SLC10A1: variants seen among roughly 807,000 people sequenced by gnomAD.
The protein encoded by SLC10A1 is hepatic sodium/bile acid cotransporter.
Under a neutral mutation model 20.5 loss-of-function variants are expected in SLC10A1, and 36 were observed. The ratio of observed to expected loss-of-function variants is 1.75; its 90% CI spans 1.34 to 2.32. The LOEUF (loss-of-function observed/expected upper bound fraction) is 2.32, where lower values mean the gene tolerates loss of function less well. SLC10A1 is among the 30% of genes most tolerant of loss of function. The pLI is 0.00. For synonymous variants in SLC10A1, 188 were observed against 163.6 expected, an observed-to-expected ratio of 1.15 and a Z score of -1.14; for missense variants, 545 against 439.1, an observed-to-expected ratio of 1.24 and a Z score of -2.16.
intron 2 of SLC10A1, among the ~76,000 whole-genome samples, chr14:69,783,234 A>G (rs546809675): frequency 5.5e-4 from 83 of 152,252 alleles, no homozygotes; most frequent in African/African-American, 1.9e-3. Flanking sequence ...GGCATTAGCT[A>G]TGGGGGCACT....
chr14:69,794,404 A>G (rs1250460715), intron 1 of SLC10A1, among the ~76,000 whole-genome samples: 2 of 152,166 alleles, frequency 1.3e-5, no homozygotes, highest in South Asian at 4.1e-4. Flanking sequence ...CAGTAAAAGC[A>G]CAGGTTCCGG....
At chr14:69,778,295 G>A in intron 4 of SLC10A1, 38 bp downstream of exon 4, 1 of 1,515,588 alleles carries the variant, frequency 6.6e-7, no homozygotes. Context: ...GTCTAATATT[G>A]GAGCAGAACT....
At chr14:69,783,037 T>G (rs540841420) in intron 2 of SLC10A1, among the ~76,000 whole-genome samples, 11 of 152,330 alleles carry the variant, frequency 7.2e-5, no homozygotes, top group African/African-American at 2.6e-4. Context: ...ATATTTTATA[T>G]GCATTTCTTT....
At chr14:69,777,836 TC>T (rs1466150309) in intron 4 of SLC10A1, among the ~76,000 whole-genome samples, 1 of 146,356 alleles carries the variant, frequency 6.8e-6, no homozygotes, top group African/African-American at 2.4e-5. Flanking sequence ...AGTTGAGGAA[TC>T]TTTTTTTTTT....
Position 69,778,395 on chromosome 14 carries a change from A to G in SLC10A1, c.881T>C (p.Leu294Pro). ...GGCAATGAGGAGAAGCCCTTCTCCA[A>G]GCTGGAAAATCATGTAGAGGAGGGG... ...FFPLLYMIFQ[L>P]GEGLLLIAIF... Residue 294 changes from leucine (L) to proline (P), a missense_variant, in exon 4 of 5, where the codon CTT (leucine) becomes CCT (proline). Leu to Pro is a moderately conservative substitution (Grantham distance 98). Coordinates refer to ENST00000216540, the MANE Select transcript of SLC10A1 (RefSeq NM_003049.4). 1 of 1,614,004 alleles carries G rather than the reference A, an allele frequency of 6.2e-7. No homozygotes were observed. Among genetic ancestry groups the G allele is most frequent in the African/African-American group, 1.3e-5 (1 of 75,032 alleles).
At chr14:69,776,521 T>G (rs1260630850) in intron 4 of SLC10A1, 133 bp from the exon 5 acceptor site, 1 of 673,148 alleles carries the variant, frequency 1.5e-6, no homozygotes, top group Non-Finnish European at 2.5e-6. Context: ...TCCATCTCTG[T>G]CGTCTCTCCC....
chr14:69,784,676 G>A (rs1020294214), intron 2 of SLC10A1, among the ~76,000 whole-genome samples: 2 of 152,130 alleles, frequency 1.3e-5, no homozygotes, highest in Admixed American at 1.3e-4. Context: ...ATGTGAGTTC[G>A]TATCAAAGCT....
rs542217999 is a variant in SLC10A1, at chr14:69,795,963, T to G, written c.356+837A>C. Among the ~76,000 whole-genome samples the G allele has an allele frequency of 2.5e-4, 38 of 152,304 alleles. No individual in the cohort carries two copies. The South Asian group carries it at 7.7e-3, about 31-fold the overall frequency. ...AAGCAAGAGCTTCTGCTAGTGAGTT[T>G]TCTTTAGCTTCAGCACAGGCTGCTG... On this transcript the variant is annotated intron_variant, in intron 1 of 4. Coordinates refer to ENST00000216540, the MANE Select transcript of SLC10A1 (RefSeq NM_003049.4).
intron 4 of SLC10A1, among the ~76,000 whole-genome samples, chr14:69,777,310 T>C (rs967143022): frequency 1.3e-5 from 2 of 152,232 alleles, no homozygotes; most frequent in African/African-American, 4.8e-5. Flanking sequence ...TGTTGGCTGC[T>C]TGGCAACCTA....
At chr14:69,776,944 C>A (rs761145139) in intron 4 of SLC10A1, among the ~76,000 whole-genome samples, 1 of 152,208 alleles carries the variant, frequency 6.6e-6, no homozygotes, top group South Asian at 2.1e-4. Context: ...ATTCCTCCCC[C>A]CTGAGAATAG....
Position 69,778,521 on chromosome 14 carries a change from C to CGTCT in SLC10A1, c.751_754dup (p.Arg252GlnfsTer27). 6.2e-7 allele frequency: 1 copy of CGTCT among 1,600,916 alleles called. No individual in the cohort carries two copies. On this transcript the variant is annotated frameshift_variant, in exon 4 of 5. Transcript: ENST00000216540. LOFTEE classifies it high-confidence loss of function. The stretch of plus-strand genomic sequence containing the variant: ...GCATCCAGTCTCCATGCTGACAGTG[C>CGTCT]GTCTGCACCTGTGCCGGTGAAGAAA...
At chr14:69,779,710 C>T (rs750957109) in intron 2 of SLC10A1, among the ~76,000 whole-genome samples, 32 of 152,246 alleles carry the variant, frequency 2.1e-4, no homozygotes, top group Non-Finnish European at 3.2e-4. Flanking sequence ...TTGGGGACAG[C>T]TGATTAACAC....
chr14:69,777,605 TA>T (rs58118049), intron 4 of SLC10A1, among the ~76,000 whole-genome samples: 24,228 of 88,392 alleles, frequency 0.27, 5,693 homozygotes, highest in Middle Eastern at 0.45. Flanking sequence ...TTTTTTTTTT[TA>T]AAATTGGTGT....
At position 69,776,337 on chromosome 14, in the gene SLC10A1, C is replaced by G; in HGVS notation, c.995G>C (p.Gly332Ala). 6.2e-7 allele frequency: 1 copy of G among 1,613,832 alleles called. No homozygotes were observed. The highest frequency in any genetic ancestry group is 8.5e-7 in the Non-Finnish European group (1 of 1,179,998). Reference sequence around the variant, plus strand: ...TTTGTAGGTGCCATTTCCCAGAGCTCCTGGAATTGTTTCTTCAGTTGTGGC... The same window carrying G: ...TTTGTAGGTGCCATTTCCCAGAGCTGCTGGAATTGTTTCTTCAGTTGTGGC... ...TAATTEETIPGALGNGTYKGE... is the reference protein window; with the variant it reads ...TAATTEETIPAALGNGTYKGE... The change falls in exon 5 of 5, where the codon GGA becomes GCA. Residue 332 changes from glycine to alanine, a missense_variant. By Grantham distance (60) the Gly-to-Ala change is moderately conservative (BLOSUM62 0). Coordinates refer to ENST00000216540, the MANE Select transcript of SLC10A1 (RefSeq NM_003049.4).
chr14:69,792,723 C>T (rs1053462012), intron 1 of SLC10A1, among the ~76,000 whole-genome samples: 4 of 151,586 alleles, frequency 2.6e-5, no homozygotes, highest in East Asian at 3.9e-4. Context: ...TTCACAGAAG[C>T]GAGACGTAAA....
At chr14:69,780,202 A>T (rs771480240) in intron 2 of SLC10A1, among the ~76,000 whole-genome samples, 1 of 152,188 alleles carries the variant, frequency 6.6e-6, no homozygotes, top group Non-Finnish European at 1.5e-5. Flanking sequence ...ATGCAGGTCT[A>T]CTCTGAATGA....
intron 4 of SLC10A1, among the ~76,000 whole-genome samples, chr14:69,777,534 G>C (rs958272434): frequency 3.4e-5 from 5 of 147,318 alleles, no homozygotes. Context: ...TACTAATGTT[G>C]AGAGTTATAA....
intron 2 of SLC10A1, among the ~76,000 whole-genome samples, chr14:69,782,973 G>A (rs1197797488): frequency 1.3e-5 from 2 of 152,162 alleles, no homozygotes; most frequent in African/African-American, 4.8e-5. Flanking sequence ...AAATGGAGGA[G>A]GGCAGAGTAG....
intron 1 of SLC10A1, among the ~76,000 whole-genome samples, chr14:69,793,302 C>T (rs1334229183): frequency 6.6e-6 from 1 of 152,118 alleles, no homozygotes; most frequent in Non-Finnish European, 1.5e-5. Context: ...TGCTGGCATC[C>T]GTGACTGTTG....
Sources: gnomAD v4.1 joint callset for allele counts (sites outside exome capture counted in the v4.1 genomes callset) on GRCh38, gnomAD v4.1.1 for gene constraint, MANE v1.5 for transcripts, NCBI Gene and HGNC (gene_info 2026-07-23, HGNC 2026-07-21) for gene names.